OTOG: variants seen among roughly 807,000 people sequenced by gnomAD.
OTOG encodes otogelin.
OTOG carries 296 observed loss-of-function variants against 313.8 expected under a neutral mutation model. The observed-to-expected ratio is 0.94, with a 90% CI of 0.86 to 1.04. OTOG has a LOEUF of 1.04. Ranked by LOEUF, OTOG falls within the 50% of genes least tolerant of loss-of-function variation. OTOG has a pLI of 0.00. For synonymous variants in OTOG, 1,533 were observed against 1,554.9 expected (o/e 0.99, Z 0.33); for missense variants, 3,948 against 3,840.1 (o/e 1.03, Z -0.74).
chr11:17,614,935 A>G (rs1853685848), intron 39 of OTOG, among the ~76,000 whole-genome samples: 1 of 152,226 alleles, frequency 6.6e-6, no homozygotes, highest in Admixed American at 6.5e-5. Context: ...GCTTTACAAT[A>G]CTTGCCAAAC....
At chr11:17,642,713 C>T (rs560168200) in intron 53 of OTOG, among the ~76,000 whole-genome samples, 2 of 152,300 alleles carry the variant, frequency 1.3e-5, no homozygotes, top group African/African-American at 4.8e-5. Flanking sequence ...AGTATGGGCG[C>T]ACCTCAGAGA....
rs1276669810 is a variant in OTOG, at chr11:17,641,984, G to T, written c.8295+33G>T. 5 of 1,544,630 alleles carry T rather than the reference G, an allele frequency of 3.2e-6. No individual in the cohort carries two copies. In the African/African-American group the frequency reaches 5.5e-5, roughly 17 times the overall value. On this transcript the variant is annotated intron_variant, in intron 52 of 55. Coordinates refer to ENST00000399397, the MANE Select transcript of OTOG (RefSeq NM_001292063.2). ...GCCCCCTCGCTGCCCACTTAGGAGG[G>T]TGTCCCAGAAGGGGACACCAGGACT...
intron 35 of OTOG, 31 bp from the exon 36 acceptor site, chr11:17,609,624 G>T: frequency 6.9e-7 from 1 of 1,458,488 alleles, no homozygotes; most frequent in Non-Finnish European, 9.1e-7. Flanking sequence ...CAGTCACCCC[G>T]CCTTCTGAAC....
At chr11:17,559,780 G>T in intron 12 of OTOG, 118 bp downstream of exon 12, 2 of 308,984 alleles carry the variant, frequency 6.5e-6, no homozygotes, top group Non-Finnish European at 6.2e-6. Flanking sequence ...AGGAGGGAGG[G>T]AGGGAGGGAG....
intron 19 of OTOG, among the ~76,000 whole-genome samples, chr11:17,573,698 G>A (rs1356098394): frequency 6.6e-6 from 1 of 152,104 alleles, no homozygotes; most frequent in African/African-American, 2.4e-5. Flanking sequence ...GCCCCTACCC[G>A]TCCCTACCCT....
intron 30 of OTOG, 103 bp from the exon 31 acceptor site, chr11:17,599,568 A>G: frequency 7.6e-7 from 1 of 1,308,056 alleles, no homozygotes; most frequent in Non-Finnish European, 1.1e-6. Flanking sequence ...CAGGCCCAGC[A>G]CTTGGGGAAG....
At chr11:17,553,049 G>A (rs1851977802) in intron 4 of OTOG, 70 bp from the exon 5 acceptor site, 7 of 1,443,582 alleles carry the variant, frequency 4.8e-6, no homozygotes, top group Non-Finnish European at 6.6e-6. Flanking sequence ...TGTGAAGCCT[G>A]AGAGGGCTGC....
intron 51 of OTOG, 105 bp downstream of exon 51, chr11:17,641,196 C>G (rs1847965414): frequency 7.9e-7 from 1 of 1,259,792 alleles, no homozygotes; most frequent in African/African-American, 1.5e-5. Flanking sequence ...CCTAAACCCC[C>G]AGGACAAGTC....
chr11:17,637,146 G>A (rs188986569), intron 47 of OTOG, among the ~76,000 whole-genome samples: 33 of 152,284 alleles, frequency 2.2e-4, no homozygotes, highest in African/African-American at 7.7e-4. Context: ...ATGCTTTAGT[G>A]GATACATATC....
chr11:17,570,376 G>C lies in OTOG; in HGVS notation c.1941G>C (p.Thr647=), dbSNP rs902872785. ...VGLCGTFNGN[T]QDDFLSPVGV... ...TCTGCGGCACCTTCAATGGCAACAC[G>C]CAGGATGACTTCCTGTACGTAGCCC... The change falls in exon 17 of 56, where the codon ACG becomes ACC. Residue 647 remains threonine (T), a synonymous_variant. Transcript: ENST00000399397. 3 of 1,550,528 alleles carry C rather than the reference G, an allele frequency of 1.9e-6. No homozygotes were observed. In the East Asian group the frequency reaches 7.3e-5, roughly 38 times the overall value.
chr11:17,597,119 A>G (rs1301938241), intron 30 of OTOG, 112 bp downstream of exon 30: 1 of 1,323,318 alleles, frequency 7.6e-7, no homozygotes, highest in Non-Finnish European at 1.0e-6. Context: ...GAATGTACCA[A>G]GCACCAACTG....
chr11:17,628,621 T>C (rs1453804718), intron 39 of OTOG, among the ~76,000 whole-genome samples: 2 of 152,342 alleles, frequency 1.3e-5, no homozygotes, highest in South Asian at 2.1e-4. Context: ...GCATAGTATC[T>C]GCCCTTAAGA....
At chr11:17,565,053 T>C (rs1394368074) in intron 15 of OTOG, among the ~76,000 whole-genome samples, 1 of 152,216 alleles carries the variant, frequency 6.6e-6, no homozygotes, top group Non-Finnish European at 1.5e-5. Context: ...CTTGACATCT[T>C]TGTTAAAAAT....
chr11:17,599,737 G>A, intron 31 of OTOG, 40 bp downstream of exon 31: 1 of 1,544,894 alleles, frequency 6.5e-7, no homozygotes, highest in East Asian at 2.4e-5. Flanking sequence ...AGGGGCTCAG[G>A]CACTGCCAGC....
At chr11:17,575,511 G>C (rs185981712) in intron 20 of OTOG, among the ~76,000 whole-genome samples, 1 of 152,336 alleles carries the variant, frequency 6.6e-6, no homozygotes, top group Admixed American at 6.5e-5. Flanking sequence ...GGTGGCTCAA[G>C]GCCCAGCTTG....
intron 54 of OTOG, 42 bp downstream of exon 54, chr11:17,643,548 TG>T: frequency 2.0e-6 from 2 of 992,510 alleles, no homozygotes; most frequent in Admixed American, 3.5e-5. Context: ...GGGGCTCTGA[TG>T]GGGGCACAGG....
intron 7 of OTOG, among the ~76,000 whole-genome samples, chr11:17,556,681 C>A (rs754192220): frequency 2.6e-5 from 4 of 152,160 alleles, no homozygotes; most frequent in Non-Finnish European, 5.9e-5. Context: ...TTCAAGGTTG[C>A]CAAATTCCAG....
chr11:17,573,039 A>G, intron 18 of OTOG, 39 bp from the exon 19 acceptor site: 1 of 1,492,882 alleles, frequency 6.7e-7, no homozygotes, highest in Non-Finnish European at 9.1e-7. Flanking sequence ...AGGTAGACCG[A>G]CTCCCCTGAC....
chr11:17,611,041 C>G lies in OTOG; in HGVS notation c.5741C>G (p.Ser1914Cys). The G allele has an allele frequency of 6.4e-7, 1 of 1,550,604 alleles. No homozygotes were observed. Among genetic ancestry groups the G allele is most frequent in the South Asian group, 1.2e-5 (1 of 84,062 alleles). ...ACCACAGGGAAGGTGGCCATCCTAT[C>G]CAAGCAAGTGTCTCTGCCCACTTCC... Reference protein sequence around the residue: ...KSTTGKVAILSKQVSLPTSMY... With the variant: ...KSTTGKVAILCKQVSLPTSMY... The change falls in exon 36 of 56, where the codon TCC (serine) becomes TGC (cysteine). Residue 1914 changes from serine (S) to cysteine (C), a missense_variant. By Grantham distance (112) the Ser-to-Cys change is moderately radical. Coordinates refer to ENST00000399397, the MANE Select transcript of OTOG (RefSeq NM_001292063.2).
Sources: allele counts gnomAD v4.1 joint callset (sites outside exome capture counted in the v4.1 genomes callset), GRCh38; gene constraint gnomAD v4.1.1; transcripts MANE v1.5; gene names NCBI Gene and HGNC (gene_info 2026-07-23, HGNC 2026-07-21).